SYK: variants seen among roughly 807,000 people sequenced by gnomAD.
The protein encoded by SYK is tyrosine-protein kinase SYK.
In SYK, 16 loss-of-function variants were observed where a neutral mutation model predicts 77.8. The observed-to-expected ratio is 0.21, with a 90% CI of 0.14 to 0.31. SYK has a LOEUF of 0.31. Among genes scored for constraint, SYK ranks in the 10% least tolerant of loss-of-function variants. The pLI, the probability that SYK is intolerant of heterozygous loss-of-function variation, is 1.00. For missense variants in SYK, 529 were observed against 814.4 expected (o/e 0.65, Z 4.26); for synonymous variants, 312 against 308.7 (o/e 1.01, Z -0.11).
chr9:90,834,977 G>A (rs1206942649), intron 1 of SYK, among the ~76,000 whole-genome samples: 3 of 152,194 alleles, frequency 2.0e-5, no homozygotes, highest in Non-Finnish European at 2.9e-5. Context: ...ATCTGGAGAC[G>A]ATGTTTGGCT....
chr9:90,880,759 C>T (rs1485821070), intron 11 of SYK, among the ~76,000 whole-genome samples: 2 of 152,236 alleles, frequency 1.3e-5, no homozygotes, highest in Non-Finnish European at 2.9e-5. Context: ...GGGTTCAGTG[C>T]GTCTGCTCAC....
chr9:90,829,924 T>A lies in SYK; in HGVS notation c.-41-13934T>A, dbSNP rs562796286. ...GAGCTTGAAAATGTCTATGTGTTGGTTGAGATAGATCAGCCTTTACTTGAT... is the reference window on the plus strand; with the variant it reads ...GAGCTTGAAAATGTCTATGTGTTGGATGAGATAGATCAGCCTTTACTTGAT... On this transcript the variant is annotated intron_variant, in intron 1 of 13. Transcript: ENST00000375754. Among the ~76,000 whole-genome samples, 10 of 152,362 alleles carry A rather than the reference T, an allele frequency of 6.6e-5. No homozygotes were observed. In the South Asian group the frequency reaches 2.1e-3, roughly 32 times the overall value.
intron 11 of SYK, among the ~76,000 whole-genome samples, chr9:90,884,276 T>TAC (rs1301880399): frequency 1.7e-5 from 2 of 118,618 alleles, no homozygotes; most frequent in Non-Finnish European, 3.5e-5. Flanking sequence ...CGTGTATATA[T>TAC]ACACACATAT....
intron 6 of SYK, among the ~76,000 whole-genome samples, chr9:90,866,349 G>C (rs1040305890): frequency 6.6e-6 from 1 of 152,226 alleles, no homozygotes; most frequent in African/African-American, 2.4e-5. Flanking sequence ...CAGTAGCTGA[G>C]CCCAGGTTGA....
At chr9:90,806,927 C>T (rs1020792337) in intron 1 of SYK, among the ~76,000 whole-genome samples, 2 of 152,210 alleles carry the variant, frequency 1.3e-5, no homozygotes, top group African/African-American at 2.4e-5. Context: ...TCTCATGAGA[C>T]TTTAAGCAGA....
At chr9:90,891,042 C>T (rs958389147) in intron 13 of SYK, among the ~76,000 whole-genome samples, 5 of 152,026 alleles carry the variant, frequency 3.3e-5, no homozygotes, top group Non-Finnish European at 7.4e-5. Context: ...ATCGGTTGGA[C>T]AGCCAGGCCA....
At chr9:90,809,114 C>A (rs1422227580) in intron 1 of SYK, among the ~76,000 whole-genome samples, 1 of 152,182 alleles carries the variant, frequency 6.6e-6, no homozygotes, top group Non-Finnish European at 1.5e-5. Flanking sequence ...AGTGAGGGCT[C>A]AGGAAGAGCC....
intron 13 of SYK, among the ~76,000 whole-genome samples, chr9:90,894,300 A>C (rs1027469909): frequency 2.0e-5 from 3 of 152,192 alleles, no homozygotes; most frequent in Non-Finnish European, 4.4e-5. Context: ...CCCTCTCGGA[A>C]CACACTTGGT....
intron 13 of SYK, among the ~76,000 whole-genome samples, chr9:90,890,633 T>A (rs937067517): frequency 2.0e-5 from 3 of 152,178 alleles, no homozygotes; most frequent in African/African-American, 7.2e-5. Flanking sequence ...CAAGCCCCAG[T>A]CAAAAGGAAA....
chr9:90,870,184 G>T (rs1016465472), intron 7 of SYK, among the ~76,000 whole-genome samples: 10 of 152,176 alleles, frequency 6.6e-5, no homozygotes, highest in Admixed American at 6.5e-5. Flanking sequence ...AATACAACTA[G>T]TAGTCTTTAA....
At chr9:90,881,679 C>CA (rs10526591) in intron 11 of SYK, among the ~76,000 whole-genome samples, 12,769 of 89,464 alleles carry the variant, frequency 0.14, 1,541 homozygotes, top group Admixed American at 0.34. Flanking sequence ...GACTCTGTCT[C>CA]AAAAAAAAAA....
intron 11 of SYK, among the ~76,000 whole-genome samples, chr9:90,880,979 G>T (rs555621116): frequency 1.3e-5 from 2 of 152,326 alleles, no homozygotes; most frequent in East Asian, 3.9e-4. Context: ...GCAGCTGCGG[G>T]CTGAGAGCAG....
chr9:90,812,680 C>T (rs1030757299), intron 1 of SYK, among the ~76,000 whole-genome samples: 1 of 151,580 alleles, frequency 6.6e-6, no homozygotes, highest in Non-Finnish European at 1.5e-5. Context: ...ATAATGGCAG[C>T]TGTGTGTGCC....
Position 90,887,833 on chromosome 9 carries a change from TG to T in SYK, c.1668del (p.Trp556Ter). The T allele has an allele frequency of 1.2e-6, 2 of 1,613,436 alleles. No individual in the cohort carries two copies. The highest frequency in any genetic ancestry group is 1.7e-6 in the Non-Finnish European group (2 of 1,179,734). On this transcript the variant is annotated frameshift_variant, in exon 12 of 14. Coordinates refer to ENST00000375754, the MANE Select transcript of SYK (RefSeq NM_003177.7). LOFTEE classifies it high-confidence loss of function. Reference protein sequence around the residue: ...YYKFSSKSDVWSFGVLMWEAF... With the variant: ...YYKFSSKSDVXSFGVLMWEAF... ...CAAGTTCTCCAGCAAAAGCGATGTC[TG>T]GAGCTTTGGAGTGTTGATGTGGGAA...
chr9:90,816,281 G>C (rs73650258), intron 1 of SYK, among the ~76,000 whole-genome samples: 151 of 152,306 alleles, frequency 9.9e-4, no homozygotes, highest in African/African-American at 3.4e-3. Flanking sequence ...TTACAGAGAA[G>C]CATGTGTTTA....
rs1659546387 is a variant in SYK at position 90,865,047 on chromosome 9, G to A, written c.797-1G>A. 1 of 1,614,138 alleles carries A rather than the reference G, an allele frequency of 6.2e-7. No individual in the cohort carries two copies. The highest frequency in any genetic ancestry group is 8.5e-7 in the Non-Finnish European group (1 of 1,180,000). On this transcript the variant is annotated splice_acceptor_variant, in intron 5 of 13. Transcript: ENST00000375754. LOFTEE classifies it high-confidence loss of function. Reference sequence around the variant, plus strand: ...TAATTGTCCATGCTCTCTCTAACCAGGAAATGTTAATTTTGGAGGCCGTCC... The same window carrying A: ...TAATTGTCCATGCTCTCTCTAACCAAGAAATGTTAATTTTGGAGGCCGTCC...
Position 90,896,496 on chromosome 9 carries a change from C to T in SYK, c.*896C>T, listed in dbSNP as rs1564131871. ...TTCCTCTCCTCCACAGAGAGGGTGC[C>T]GCCAGAATCCCCTGTCGCTTTCTGT... On this transcript the variant is annotated 3_prime_UTR_variant, in exon 14 of 14. Transcript: ENST00000375754. 2.1e-5 allele frequency: 5 copies of T among 232,920 alleles called. No homozygotes were observed. Among genetic ancestry groups the T allele is most frequent in the Admixed American group, 5.6e-5 (1 of 17,778 alleles). 14.4% of individuals were successfully genotyped at this position (232,920 alleles called of 1,614,324 possible). A position where few individuals can be genotyped will look rare whatever the true frequency, so the allele number is the denominator to read the frequency against.
rs188535102 is a variant in SYK at position 90,859,513 on chromosome 9, G to T, written c.579-2693G>T. Among the ~76,000 whole-genome samples, 246 of 152,304 alleles carry T rather than the reference G, an allele frequency of 1.6e-3. 1 individual carries two copies. Among genetic ancestry groups the T allele is most frequent in the African/African-American group, 5.7e-3 (235 of 41,562 alleles). On this transcript the variant is annotated intron_variant, in intron 3 of 13. Coordinates refer to ENST00000375754, the MANE Select transcript of SYK (RefSeq NM_003177.7). ...ATTCCTACAATTTACTTGCTCTGTG[G>T]TCACTTACGTTGTGTGCAGTTTTTG...
intron 1 of SYK, among the ~76,000 whole-genome samples, chr9:90,810,938 A>G (rs1214111223): frequency 6.6e-6 from 1 of 152,124 alleles, no homozygotes; most frequent in Non-Finnish European, 1.5e-5. Context: ...CCATGGATGA[A>G]TGGTCTTGGG....
Sources: allele counts gnomAD v4.1 joint callset (sites outside exome capture counted in the v4.1 genomes callset), GRCh38; gene constraint gnomAD v4.1.1; transcripts MANE v1.5; gene names NCBI Gene and HGNC (gene_info 2026-07-23, HGNC 2026-07-21).